Variants in EFNA5 observed in about 807,000 individuals in gnomAD.
The protein encoded by EFNA5 is ephrin-A5.
Under a neutral mutation model 22.9 loss-of-function variants are expected in EFNA5, and 5 were observed. That is an observed-to-expected ratio of 0.22 (90% confidence interval 0.11 to 0.46). The LOEUF (loss-of-function observed/expected upper bound fraction) is 0.46. Among genes scored for constraint, EFNA5 ranks in the 20% least tolerant of loss-of-function variants. EFNA5 has a pLI of 0.99. For missense variants in EFNA5, 237 were observed against 293.3 expected, an observed-to-expected ratio of 0.81 and a Z score of 1.40; for synonymous variants, 113 against 112.2, an observed-to-expected ratio of 1.01 and a Z score of -0.04.
At chr5:107,485,745 C>T (rs1746599250) in intron 1 of EFNA5, among the ~76,000 whole-genome samples, 1 of 152,122 alleles carries the variant, frequency 6.6e-6, no homozygotes, top group Non-Finnish European at 1.5e-5. Flanking sequence ...AAGAGATTGA[C>T]CAAGAAAGGA....
At position 107,379,445 on chromosome 5, in the gene EFNA5, C is replaced by A. The variant is rs1747371256; in HGVS notation, c.*1810G>T. 6.9e-6 allele frequency: 1 copy of A among 145,472 alleles called. No individual in the cohort carries two copies. Among genetic ancestry groups the A allele is most frequent in the South Asian group, 2.1e-4 (1 of 4,674 alleles). The allele number at this position is 145,472 out of a possible 1,614,324, so 9.0% of individuals were successfully genotyped here. On this transcript the variant is annotated 3_prime_UTR_variant, in exon 5 of 5. Coordinates refer to ENST00000333274, the MANE Select transcript of EFNA5 (RefSeq NM_001962.3). ...TTAAAAAACAAATATATAAAAAATT[C>A]TTATTTTGCTGGAATGCTTTCAATT... is the stretch of plus-strand genomic sequence containing the variant.
At chr5:107,638,835 C>T (rs1750440485) in intron 1 of EFNA5, among the ~76,000 whole-genome samples, 1 of 151,466 alleles carries the variant, frequency 6.6e-6, no homozygotes, top group Non-Finnish European at 1.5e-5. Flanking sequence ...CATACACACA[C>T]ACATATACAC....
chr5:107,476,735 T>TTCTCTCTCTCTC lies in EFNA5; in HGVS notation c.126-49238_126-49227dup, dbSNP rs34563371. Among the ~76,000 whole-genome samples, 168 of 148,236 alleles carry TTCTCTCTCTCTC rather than the reference T, an allele frequency of 1.1e-3. 1 individual carries two copies. Among genetic ancestry groups the TTCTCTCTCTCTC allele is most frequent in the South Asian group, 5.2e-3 (24 of 4,596 alleles). Reference sequence around the variant, plus strand: ...CCCTTAAAATGTTTATTTTTTCTCTTTCTCTCTCTCTCTCTCTCTCTCTCT... The same window carrying TTCTCTCTCTCTC: ...CCCTTAAAATGTTTATTTTTTCTCTTTCTCTCTCTCTCTCTCTCTCTCTCTCTCTCTCTCTCT... On this transcript the variant is annotated intron_variant, in intron 1 of 4. Coordinates refer to ENST00000333274, the MANE Select transcript of EFNA5 (RefSeq NM_001962.3).
intron 1 of EFNA5, among the ~76,000 whole-genome samples, chr5:107,664,544 T>C (rs935060825): frequency 1.3e-5 from 2 of 152,288 alleles, no homozygotes; most frequent in African/African-American, 4.8e-5. Flanking sequence ...GAGACAGTAA[T>C]TTATTGATGT....
chr5:107,476,057 T>TATACATATATATATATATATATATATG, intron 1 of EFNA5, among the ~76,000 whole-genome samples: 1 of 100,436 alleles, frequency 1.0e-5, no homozygotes, highest in Admixed American at 1.1e-4. Flanking sequence ...TATATATATA[T>TATACATATATATATATATATATATATG]TTTTTTTTTT....
chr5:107,405,058 T>C (rs1417721302), intron 2 of EFNA5, among the ~76,000 whole-genome samples: 1 of 152,204 alleles, frequency 6.6e-6, no homozygotes, highest in Non-Finnish European at 1.5e-5. Flanking sequence ...ACATGCACTA[T>C]GGCAGGAGGA....
At chr5:107,654,449 A>G (rs1161731786) in intron 1 of EFNA5, among the ~76,000 whole-genome samples, 1 of 152,148 alleles carries the variant, frequency 6.6e-6, no homozygotes, top group Non-Finnish European at 1.5e-5. Context: ...AAGATTTGTT[A>G]GATACCTAAG....
intron 1 of EFNA5, among the ~76,000 whole-genome samples, chr5:107,651,492 T>C (rs1225067495): frequency 1.3e-5 from 2 of 151,968 alleles, no homozygotes; most frequent in East Asian, 1.9e-4. Flanking sequence ...TTTGAAAACA[T>C]GATTCAAAGA....
chr5:107,443,251 G>A (rs188516424), intron 1 of EFNA5, among the ~76,000 whole-genome samples: 95 of 152,290 alleles, frequency 6.2e-4, no homozygotes, highest in African/African-American at 2.2e-3. Context: ...AGATGACTTG[G>A]CAGTTCCTTA....
chr5:107,559,038 A>C (rs1007512048), intron 1 of EFNA5, among the ~76,000 whole-genome samples: 1 of 152,252 alleles, frequency 6.6e-6, no homozygotes, highest in African/African-American at 2.4e-5. Flanking sequence ...TAGATGACAG[A>C]ATGGCAAGAA....
At chr5:107,558,343 A>G (rs1748468213) in intron 1 of EFNA5, among the ~76,000 whole-genome samples, 3 of 152,184 alleles carry the variant, frequency 2.0e-5, no homozygotes, top group Non-Finnish European at 4.4e-5. Context: ...ACACTGAACA[A>G]TAATTTCCTA....
At chr5:107,492,254 T>A (rs1170166251) in intron 1 of EFNA5, among the ~76,000 whole-genome samples, 1 of 152,160 alleles carries the variant, frequency 6.6e-6, no homozygotes, top group Non-Finnish European at 1.5e-5. Flanking sequence ...AATCTAACCT[T>A]TAAAAAAAAT....
intron 1 of EFNA5, among the ~76,000 whole-genome samples, chr5:107,509,736 C>T (rs1397792802): frequency 6.6e-6 from 1 of 152,032 alleles, no homozygotes; most frequent in Non-Finnish European, 1.5e-5. Context: ...ACGGCCTTCA[C>T]GAGGGCAGAA....
intron 1 of EFNA5, among the ~76,000 whole-genome samples, chr5:107,659,002 T>C (rs1233318015): frequency 1.3e-5 from 2 of 152,134 alleles, no homozygotes; most frequent in African/African-American, 4.8e-5. Flanking sequence ...CATGTGCACA[T>C]TTATGGTACT....
intron 1 of EFNA5, among the ~76,000 whole-genome samples, chr5:107,660,857 C>A (rs1286137059): frequency 6.6e-6 from 1 of 152,096 alleles, no homozygotes; most frequent in South Asian, 2.1e-4. Flanking sequence ...CTGTCAGAAG[C>A]ACCACTATTT....
chr5:107,394,965 T>C (rs1485349052), intron 2 of EFNA5, among the ~76,000 whole-genome samples: 2 of 150,164 alleles, frequency 1.3e-5, no homozygotes, highest in African/African-American at 4.9e-5. Context: ...TATTTAGGTA[T>C]GAGCCAAAAA....
rs546442453 is a variant in EFNA5 at position 107,553,249 on chromosome 5, G to A, written c.125+117240C>T. Among the ~76,000 whole-genome samples the A allele has an allele frequency of 9.2e-5, 14 of 152,310 alleles. No homozygotes were observed. The East Asian group carries it at 1.7e-3, about 19-fold the overall frequency. On this transcript the variant is annotated intron_variant, in intron 1 of 4. Transcript: ENST00000333274. ...CAGCGGCCATGACTAACAATGGGAC[G>A]AGCACTCACTGCCTGCTCTGCAATC...
chr5:107,627,907 C>T (rs997831115), intron 1 of EFNA5, among the ~76,000 whole-genome samples: 1 of 152,028 alleles, frequency 6.6e-6, no homozygotes, highest in African/African-American at 2.4e-5. Flanking sequence ...CAGAGCTATA[C>T]GATACTTAGT....
chr5:107,617,472 TAA>T (rs1749946830), intron 1 of EFNA5, among the ~76,000 whole-genome samples: 1 of 152,104 alleles, frequency 6.6e-6, no homozygotes. Flanking sequence ...GAGAAGCAGG[TAA>T]AGAGTCACCA....
Sources: gnomAD v4.1 joint callset for allele counts (sites outside exome capture counted in the v4.1 genomes callset) on GRCh38, gnomAD v4.1.1 for gene constraint, MANE v1.5 for transcripts, NCBI Gene and HGNC (gene_info 2026-07-23, HGNC 2026-07-21) for gene names.